Variants in AFF2 observed in about 807,000 individuals in gnomAD.
AFF2 encodes the protein AF4/FMR2 family member 2.
In AFF2, 14 loss-of-function variants were observed where a neutral mutation model predicts 76.9. The observed-to-expected ratio is 0.18, with a 90% CI of 0.12 to 0.28. AFF2 has a LOEUF of 0.28. AFF2 is among the 10% of genes least tolerant of loss of function. The probability of loss-of-function intolerance (pLI) is 1.00; values close to 1 mark genes in which losing one functional copy is unlikely to be tolerated. For synonymous variants in AFF2, 398 were observed against 366.7 expected, an observed-to-expected ratio of 1.09 and a Z score of -0.98; for missense variants, 868 against 1,001.1, an observed-to-expected ratio of 0.87 and a Z score of 1.79.
intron 7 of AFF2, among the ~76,000 whole-genome samples, chrX:148,873,767 A>G (rs2071004996): frequency 9.0e-6 from 1 of 111,509 alleles, no homozygotes; most frequent in Non-Finnish European, 1.9e-5. Flanking sequence ...ATTGTGAGAC[A>G]GAGACAAGGT....
chrX:148,883,426 A>G (rs1603330880), intron 7 of AFF2, among the ~76,000 whole-genome samples: 1 of 111,551 alleles, frequency 9.0e-6, no homozygotes, highest in Non-Finnish European at 1.9e-5. Flanking sequence ...TTTCACATGC[A>G]TTAGCTCCTG....
intron 1 of AFF2, among the ~76,000 whole-genome samples, chrX:148,641,818 G>T (rs1428507532): frequency 9.0e-6 from 1 of 111,600 alleles, no homozygotes; most frequent in Non-Finnish European, 1.9e-5. Context: ...GTTCTCTCTG[G>T]GTTTCTGTTT....
intron 1 of AFF2, among the ~76,000 whole-genome samples, chrX:148,506,971 A>G (rs1390952120): frequency 8.9e-6 from 1 of 112,024 alleles, no homozygotes; most frequent in Non-Finnish European, 1.9e-5. Context: ...TTAAGTTGTT[A>G]ATATTTAAAT....
intron 3 of AFF2, among the ~76,000 whole-genome samples, chrX:148,700,419 A>AGTGTGTGTGTGTGTGTGTGT (rs368077947): frequency 3.6e-5 from 3 of 82,496 alleles, no homozygotes; most frequent in Non-Finnish European, 4.6e-5. Flanking sequence ...GTACTGTTGA[A>AGTGTGTGTGTGTGTGTGTGT]GTGTGTGTGT....
At chrX:148,595,076 G>A (rs1407257170) in intron 1 of AFF2, among the ~76,000 whole-genome samples, 1 of 112,045 alleles carries the variant, frequency 8.9e-6, no homozygotes, top group Non-Finnish European at 1.9e-5. Flanking sequence ...GAGGAAGGTA[G>A]GAGAGAGGGA....
intron 1 of AFF2, among the ~76,000 whole-genome samples, chrX:148,628,091 C>G (rs968277061): frequency 1.8e-5 from 2 of 110,952 alleles, no homozygotes; most frequent in African/African-American, 6.6e-5. Context: ...GAAGCCAGGG[C>G]AGCAGAATTC....
At chrX:148,854,983 G>T (rs939192034) in intron 7 of AFF2, among the ~76,000 whole-genome samples, 19 of 111,170 alleles carry the variant, frequency 1.7e-4, no homozygotes, top group Non-Finnish European at 3.4e-4. Flanking sequence ...CTCTCTGAAG[G>T]TCTCAAAAAT....
intron 3 of AFF2, among the ~76,000 whole-genome samples, chrX:148,706,286 G>C (rs2054883538): frequency 8.9e-6 from 1 of 111,778 alleles, no homozygotes; most frequent in Non-Finnish European, 1.9e-5. Context: ...TGCCATTTCG[G>C]AACCTGTCCA....
At chrX:148,689,862 C>T (rs149550565) in intron 3 of AFF2, among the ~76,000 whole-genome samples, 1,429 of 112,029 alleles carry the variant, frequency 0.013, 24 homozygotes, top group African/African-American at 0.045. Flanking sequence ...TTTTCACCTT[C>T]TTGATGAATG....
chrX:148,654,632 C>T (rs1468272415), intron 2 of AFF2, among the ~76,000 whole-genome samples: 1 of 108,853 alleles, frequency 9.2e-6, no homozygotes, highest in East Asian at 2.9e-4. Context: ...GAGCAAGGTC[C>T]CGGAGGAGAT....
rs781974036 is a variant in AFF2, at chrX:148,752,191, T to C, written c.1042-57685T>C. 4.9e-4 allele frequency among the ~76,000 whole-genome samples: 55 copies of C among 112,035 alleles called. 2 individuals carry two copies. The highest frequency in any genetic ancestry group is 4.5e-3 in the Admixed American group (48 of 10,563). ...ATGTAAACATTCAGACTATAGTACATGTACTATTCCCACTGCCAGGAATAC... is the reference window on the plus strand; with the variant it reads ...ATGTAAACATTCAGACTATAGTACACGTACTATTCCCACTGCCAGGAATAC... On this transcript the variant is annotated intron_variant, in intron 3 of 20. Coordinates refer to ENST00000370460, the MANE Select transcript of AFF2 (RefSeq NM_002025.4).
intron 3 of AFF2, among the ~76,000 whole-genome samples, chrX:148,664,680 C>A (rs781856376): frequency 1.8e-5 from 2 of 112,477 alleles, no homozygotes; most frequent in Non-Finnish European, 3.8e-5. Context: ...GTATCCCAAG[C>A]GCCTAGCAAA....
intron 1 of AFF2, among the ~76,000 whole-genome samples, chrX:148,604,979 A>C (rs2053659802): frequency 8.9e-6 from 1 of 112,105 alleles, no homozygotes; most frequent in Non-Finnish European, 1.9e-5. Context: ...TTAGAGAAAA[A>C]TAAGTTTTCA....
At chrX:148,850,777 C>T (rs1361816802) in intron 7 of AFF2, among the ~76,000 whole-genome samples, 3 of 112,092 alleles carry the variant, frequency 2.7e-5, no homozygotes, top group Admixed American at 1.9e-4. Flanking sequence ...AGAAACCAGG[C>T]GTAGGGAGGG....
At chrX:148,532,987 A>G (rs1431548941) in intron 1 of AFF2, among the ~76,000 whole-genome samples, 3 of 111,683 alleles carry the variant, frequency 2.7e-5, no homozygotes, top group Non-Finnish European at 5.6e-5. Flanking sequence ...GTGATGTTTC[A>G]TAGAAGGCTA....
intron 3 of AFF2, among the ~76,000 whole-genome samples, chrX:148,757,294 A>G (rs1424359530): frequency 4.5e-5 from 5 of 111,975 alleles, no homozygotes; most frequent in Non-Finnish European, 7.5e-5. Flanking sequence ...ATAGCCCACA[A>G]AGCTGAAAAT....
At chrX:148,929,108 A>G (rs1056557364) in intron 9 of AFF2, among the ~76,000 whole-genome samples, 5 of 112,338 alleles carry the variant, frequency 4.5e-5, no homozygotes, top group African/African-American at 1.3e-4. Flanking sequence ...TCTCCTGGCT[A>G]TATGTAATTC....
At chrX:148,887,373 G>T (rs1269892584) in intron 8 of AFF2, among the ~76,000 whole-genome samples, 1 of 111,938 alleles carries the variant, frequency 8.9e-6, no homozygotes, top group African/African-American at 3.2e-5. Flanking sequence ...ATATTTGTAA[G>T]TAAAACAAAA....
In AFF2 at chrX:148,966,791, A is replaced by C; in HGVS notation, c.2915A>C (p.Glu972Ala). 8.3e-7 allele frequency: 1 copy of C among 1,209,034 alleles called. No homozygotes were observed. Among genetic ancestry groups the C allele is most frequent in the Non-Finnish European group, 1.1e-6 (1 of 894,292 alleles). Residue 972 changes from glutamate (E) to alanine (A), a missense_variant and splice_region_variant, in exon 14 of 21, where the codon GAG becomes GCG. Glu to Ala is a moderately radical substitution (Grantham distance 107). Transcript: ENST00000370460. ...ACTATTTGTCCTCCTTTTTCCCAGG[A>C]GGGAGACACTCCAAAAAAGGCATCC... ...CATFKGISVN[E>A]GDTPKKASSA...
Sources: gnomAD v4.1 joint callset for allele counts (sites outside exome capture counted in the v4.1 genomes callset) on GRCh38, gnomAD v4.1.1 for gene constraint, MANE v1.5 for transcripts, NCBI Gene and HGNC (gene_info 2026-07-23, HGNC 2026-07-21) for gene names.